The following FOXK2 variants were observed in gnomAD, a reference collection of about 807,000 sequenced individuals.
FOXK2 encodes the protein forkhead box protein K2.
FOXK2 carries 24 observed loss-of-function variants against 53.3 expected under a neutral mutation model. The observed-to-expected ratio is 0.45, with a 90% CI of 0.33 to 0.63. The LOEUF (loss-of-function observed/expected upper bound fraction) is 0.63. Among genes scored for constraint, FOXK2 ranks in the 30% least tolerant of loss-of-function variants. The pLI is 0.03. For synonymous variants in FOXK2, 505 were observed against 407.1 expected, an observed-to-expected ratio of 1.24 and a Z score of -2.89; for missense variants, 952 against 910.5, an observed-to-expected ratio of 1.05 and a Z score of -0.59.
intron 1 of FOXK2, among the ~76,000 whole-genome samples, chr17:82,531,658 T>A (rs186754378): frequency 6.6e-6 from 1 of 152,112 alleles, no homozygotes; most frequent in East Asian, 1.9e-4. Context: ...TCTAAACATA[T>A]TAAAACATAG....
chr17:82,586,871 A>T (rs2045182054), intron 7 of FOXK2, among the ~76,000 whole-genome samples, 192 bp from the exon 8 acceptor site: 1 of 152,154 alleles, frequency 6.6e-6, no homozygotes, highest in Admixed American at 6.5e-5. Context: ...ATTGGACTCC[A>T]GCTTGGGTAA....
intron 8 of FOXK2, among the ~76,000 whole-genome samples, chr17:82,592,297 TG>T (rs2045260247): frequency 6.6e-6 from 1 of 152,248 alleles, no homozygotes; most frequent in Non-Finnish European, 1.5e-5. Flanking sequence ...GCTGCGGTCC[TG>T]GAGCATCTCT....
chr17:82,545,060 G>T (rs1024687183), intron 1 of FOXK2, among the ~76,000 whole-genome samples: 1 of 152,056 alleles, frequency 6.6e-6, no homozygotes, highest in Non-Finnish European at 1.5e-5. Context: ...CCCCATTGCT[G>T]CTGACCTAGT....
chr17:82,545,017 T>C (rs2044611196), intron 1 of FOXK2, among the ~76,000 whole-genome samples: 1 of 152,166 alleles, frequency 6.6e-6, no homozygotes, highest in Non-Finnish European at 1.5e-5. Flanking sequence ...CTACTTGAGC[T>C]TTTCTCGGAC....
At chr17:82,572,321 G>A (rs1483929944) in intron 4 of FOXK2, among the ~76,000 whole-genome samples, 2 of 152,204 alleles carry the variant, frequency 1.3e-5, no homozygotes, top group African/African-American at 4.8e-5. Flanking sequence ...ATTTTACCAA[G>A]GAACACTTAG....
intron 8 of FOXK2, among the ~76,000 whole-genome samples, chr17:82,598,055 C>T (rs180846969): frequency 5.3e-5 from 8 of 152,286 alleles, no homozygotes; most frequent in East Asian, 1.9e-4. Flanking sequence ...GCATGTGACT[C>T]GTGATCGGCA....
chr17:82,570,130 G>A (rs1347339377), intron 3 of FOXK2, among the ~76,000 whole-genome samples: 1 of 152,090 alleles, frequency 6.6e-6, no homozygotes, highest in Non-Finnish European at 1.5e-5. Context: ...GCTGAGGCAG[G>A]AGAATGGCGT....
intron 8 of FOXK2, among the ~76,000 whole-genome samples, chr17:82,595,231 G>A (rs760705506): frequency 3.0e-4 from 46 of 152,152 alleles, no homozygotes; most frequent in Non-Finnish European, 1.2e-4. Context: ...CCATTAGGTC[G>A]TCCTTTCCTT....
At chr17:82,591,738 C>T (rs1197607851) in intron 8 of FOXK2, among the ~76,000 whole-genome samples, 1 of 152,234 alleles carries the variant, frequency 6.6e-6, no homozygotes, top group East Asian at 1.9e-4. Context: ...CAAGCACCCT[C>T]AGAGCTCGCT....
At chr17:82,564,090 T>G (rs978966133) in intron 2 of FOXK2, among the ~76,000 whole-genome samples, 9 of 149,840 alleles carry the variant, frequency 6.0e-5, no homozygotes, top group South Asian at 4.2e-4. Flanking sequence ...AAAGTGGTTT[T>G]TTTTTTTTTT....
intron 4 of FOXK2, chr17:82,576,497 G>A: frequency 1.8e-6 from 1 of 558,100 alleles, no homozygotes; most frequent in Non-Finnish European, 3.1e-6. Flanking sequence ...TAACATAAAT[G>A]AAGAATTACA....
intron 1 of FOXK2, among the ~76,000 whole-genome samples, chr17:82,535,069 G>A (rs2044507325): frequency 6.6e-6 from 1 of 152,098 alleles, no homozygotes; most frequent in Non-Finnish European, 1.5e-5. Context: ...TTGTACAGAT[G>A]GGGTTTCCAC....
At chr17:82,542,386 A>G (rs2144075031) in intron 1 of FOXK2, among the ~76,000 whole-genome samples, 1 of 152,138 alleles carries the variant, frequency 6.6e-6, no homozygotes, top group South Asian at 2.1e-4. Flanking sequence ...GCTGGTCTCG[A>G]ACTCCTGAAC....
intron 1 of FOXK2, among the ~76,000 whole-genome samples, chr17:82,545,827 T>C (rs373671488): frequency 6.6e-6 from 1 of 151,828 alleles, no homozygotes; most frequent in Non-Finnish European, 1.5e-5. Flanking sequence ...CATGATCGAC[T>C]TGCCTTGGCC....
chr17:82,571,750 C>T lies in FOXK2; in HGVS notation c.789C>T (p.Tyr263=), dbSNP rs147536893. The change falls in exon 4 of 9, where the codon TAC becomes TAT. Residue 263 remains tyrosine (Y), a synonymous_variant. Transcript: ENST00000335255. Reference sequence around the variant, plus strand: ...ATGATTCAAAGCCGCCTTACTCCTACGCGCAGCTGATAGTTCAGGCGATTA... The same window carrying T: ...ATGATTCAAAGCCGCCTTACTCCTATGCGCAGCTGATAGTTCAGGCGATTA... ...PKDDSKPPYS[Y]AQLIVQAITM... 2.7e-4 allele frequency: 430 copies of T among 1,583,576 alleles called. No individual in the cohort carries two copies. The highest frequency in any genetic ancestry group is 3.3e-4 in the Non-Finnish European group (380 of 1,168,536).
At chr17:82,564,400 GTTTT>G (rs993253791) in intron 2 of FOXK2, among the ~76,000 whole-genome samples, 3 of 47,774 alleles carry the variant, frequency 6.3e-5, no homozygotes, top group African/African-American at 2.3e-4. Context: ...TTGTTTGTTT[GTTTT>G]GTTTTTTGTT....
chr17:82,568,240 A>G, intron 3 of FOXK2, 39 bp downstream of exon 3: 1 of 1,608,748 alleles, frequency 6.2e-7, no homozygotes, highest in East Asian at 2.2e-5. Context: ...CCTGGGGGAC[A>G]GTGTGTAGCC....
intron 6 of FOXK2, 60 bp from the exon 7 acceptor site, chr17:82,585,844 G>T: frequency 6.5e-7 from 1 of 1,546,066 alleles, no homozygotes; most frequent in East Asian, 2.3e-5. Context: ...CTGAGTGTGA[G>T]AACCTTTGTT....
rs920340911 is a variant in FOXK2 at position 82,548,856 on chromosome 17, CAA to C, written c.420-14497_420-14496del. Among the ~76,000 whole-genome samples, 9 of 152,268 alleles carry C rather than the reference CAA, an allele frequency of 5.9e-5. No individual in the cohort carries two copies. In the East Asian group the frequency reaches 9.7e-4, roughly 16 times the overall value. Reference sequence around the variant, plus strand: ...GGGCGGGTGTGGGGTAGAATGATCTCAAGAGCATTCTCACCTCCGAGGAGCGG... The same window carrying C: ...GGGCGGGTGTGGGGTAGAATGATCTCGAGCATTCTCACCTCCGAGGAGCGG... On this transcript the variant is annotated intron_variant, in intron 1 of 8. Coordinates refer to ENST00000335255, the MANE Select transcript of FOXK2 (RefSeq NM_004514.4).
Sources: allele counts gnomAD v4.1 joint callset (sites outside exome capture counted in the v4.1 genomes callset), GRCh38; gene constraint gnomAD v4.1.1; transcripts MANE v1.5; gene names NCBI Gene and HGNC (gene_info 2026-07-23, HGNC 2026-07-21).